Variants in SORBS3 observed in about 807,000 individuals in gnomAD.
SORBS3 encodes the protein sorbin and SH3 domain containing 3, also known as vinexin.
A neutral mutation model predicts 98.0 loss-of-function variants in SORBS3; 69 were observed. The ratio of observed to expected loss-of-function variants is 0.70; its 90% CI spans 0.58 to 0.86. SORBS3 has a LOEUF of 0.86. Among genes scored for constraint, SORBS3 ranks in the 40% least tolerant of loss-of-function variants. The pLI is 0.00. For missense variants in SORBS3, 954 were observed against 908.5 expected (o/e 1.05, Z -0.64); for synonymous variants, 394 against 355.4 (o/e 1.11, Z -1.22).
At position 22,575,479 on chromosome 8, in the gene SORBS3, A is replaced by C; in HGVS notation, c.*751A>C. On this transcript the variant is annotated 3_prime_UTR_variant, in exon 21 of 21. Coordinates refer to ENST00000240123, the MANE Select transcript of SORBS3 (RefSeq NM_005775.5). ...CCCCTCTGGAAGAGAATGTAAAATA[A>C]ACCTGGACACAAGGGACCTTGTCTC... 1 of 155,910 alleles carries C rather than the reference A, an allele frequency of 6.4e-6. No individual in the cohort carries two copies. The highest frequency in any genetic ancestry group is 1.4e-5 in the Non-Finnish European group (1 of 70,454). 9.7% of individuals were successfully genotyped at this position (155,910 alleles called of 1,614,324 possible). A position where few individuals can be genotyped will look rare whatever the true frequency, so the allele number is the denominator to read the frequency against.
Position 22,565,313 on chromosome 8 carries a change from A to G in SORBS3, c.862A>G (p.Lys288Glu). 1 of 1,560,080 alleles carries G rather than the reference A, an allele frequency of 6.4e-7. No homozygotes were observed. The highest frequency in any genetic ancestry group is 8.7e-7 in the Non-Finnish European group (1 of 1,152,358). Residue 288 changes from lysine (K) to glutamate (E), a missense_variant, in exon 11 of 21, where the codon AAG (lysine) becomes GAG (glutamate). By Grantham distance (56) the Lys-to-Glu change is moderately conservative. Transcript: ENST00000240123. ...ELAELSAELDKDLRAIETRLP... is the reference protein window; with the variant it reads ...ELAELSAELDEDLRAIETRLP... ...GGCCGAGCTGAGCGCCGAGCTGGACAAGGACCTGCGGGCAATTGAGACCCG... is the reference window on the plus strand; with the variant it reads ...GGCCGAGCTGAGCGCCGAGCTGGACGAGGACCTGCGGGCAATTGAGACCCG...
chr8:22,564,070 C>G lies in SORBS3; in HGVS notation c.668C>G (p.Ser223Ter). The G allele has an allele frequency of 6.2e-7, 1 of 1,613,650 alleles. No homozygotes were observed. ...PGAFSTVLQP[S>*]NQVLRRREKV... is the part of the protein sequence containing the mutation. Reference sequence around the variant, plus strand: ...GCATTCTCCACTGTGCTGCAGCCCTCAAATCAGGTAGCCCACCCAGCATAG... The same window carrying G: ...GCATTCTCCACTGTGCTGCAGCCCTGAAATCAGGTAGCCCACCCAGCATAG... Residue 223 changes from serine to a stop codon, truncating the protein, a stop_gained, in exon 8 of 21, where the codon TCA becomes TGA. Transcript: ENST00000240123. LOFTEE classifies it high-confidence loss of function.
intron 1 of SORBS3, among the ~76,000 whole-genome samples, chr8:22,552,538 G>T (rs1188344940): frequency 6.6e-6 from 1 of 152,224 alleles, no homozygotes; most frequent in Non-Finnish European, 1.5e-5. Context: ...GACACAAGGG[G>T]CAGGGTTGAG....
In SORBS3 at chr8:22,574,859, G is replaced by C. The variant is rs1294233590; in HGVS notation, c.*131G>C. On this transcript the variant is annotated 3_prime_UTR_variant, in exon 21 of 21. Transcript: ENST00000240123. ...CTCCCAGCATCTGCAGACGACCCCC[G>C]CAGCCTTTCCCTCGGACCCCCCTCG... is the stretch of plus-strand genomic sequence containing the variant. 3.4e-6 allele frequency: 3 copies of C among 880,312 alleles called. No individual in the cohort carries two copies. Among genetic ancestry groups the C allele is most frequent in the Non-Finnish European group, 5.6e-6 (3 of 533,738 alleles). The allele number at this position is 880,312 out of a possible 1,614,324, so 54.5% of individuals were successfully genotyped here.
intron 10 of SORBS3, 154 bp from the exon 11 acceptor site, chr8:22,565,114 C>T: frequency 6.8e-7 from 1 of 1,461,850 alleles, no homozygotes; most frequent in Non-Finnish European, 9.1e-7. Context: ...GCACCCTGGG[C>T]CACACCTCCT....
chr8:22,563,518 A>ATC, intron 7 of SORBS3, among the ~76,000 whole-genome samples: 1 of 152,286 alleles, frequency 6.6e-6, no homozygotes, highest in East Asian at 1.9e-4. Flanking sequence ...TGGGTGTACG[A>ATC]TCACTCAGCC....
In SORBS3 at chr8:22,569,192, C is replaced by T. The variant is rs780147783; in HGVS notation, c.1350C>T (p.Thr450=). The T allele has an allele frequency of 6.8e-6, 11 of 1,611,596 alleles. No homozygotes were observed. Among genetic ancestry groups the T allele is most frequent in the Non-Finnish European group, 9.3e-6 (11 of 1,178,818 alleles). Residue 450 remains threonine, a synonymous_variant, in exon 17 of 21, where the codon ACC becomes ACT. Coordinates refer to ENST00000240123, the MANE Select transcript of SORBS3 (RefSeq NM_005775.5). Reference sequence around the variant, plus strand: ...TCCCTAAGCCCATCAAGCCCCCGACCTACCAGGTGCTGGAGTATGGAGAGG... The same window carrying T: ...TCCCTAAGCCCATCAAGCCCCCGACTTACCAGGTGCTGGAGTATGGAGAGG... ...DEIPKPIKPP[T]YQVLEYGEAV...
At chr8:22,573,383 AGC>A in intron 20 of SORBS3, 1 of 456,282 alleles carries the variant, frequency 2.2e-6, no homozygotes, top group South Asian at 1.5e-5. Flanking sequence ...AGGAGCCACA[AGC>A]GCTTTGAGAG....
At chr8:22,565,539 C>A in intron 11 of SORBS3, 185 bp downstream of exon 11, 1 of 556,400 alleles carries the variant, frequency 1.8e-6, no homozygotes, top group Non-Finnish European at 2.7e-6. Context: ...AAATACAGGG[C>A]GTCGACTTTC....
intron 4 of SORBS3, 149 bp downstream of exon 4, chr8:22,557,057 C>A (rs943207049): frequency 2.3e-6 from 2 of 883,580 alleles, no homozygotes; most frequent in Non-Finnish European, 1.7e-6. Flanking sequence ...TGGGGTTCAG[C>A]GGCTGTAAAC....
At position 22,571,047 on chromosome 8, in the gene SORBS3, C is replaced by A. The variant is rs146729720; in HGVS notation, c.1569C>A (p.Asp523Glu). The A allele has an allele frequency of 1.9e-6, 3 of 1,613,334 alleles. No homozygotes were observed. Among genetic ancestry groups the A allele is most frequent in the Non-Finnish European group, 2.5e-6 (3 of 1,179,878 alleles). ...SREPRLRLCD[D>E]GPQLPTSPRL... ...AACCCCGGCTCCGGCTCTGTGACGACGGCCCCCAGCTCCCCACGTCTCCCC... is the reference window on the plus strand; with the variant it reads ...AACCCCGGCTCCGGCTCTGTGACGAAGGCCCCCAGCTCCCCACGTCTCCCC... The change falls in exon 18 of 21, where the codon GAC becomes GAA. Residue 523 changes from aspartate to glutamate, a missense_variant. By Grantham distance (45) the Asp-to-Glu change is conservative. Transcript: ENST00000240123.
chr8:22,561,372 A>G lies in SORBS3; in HGVS notation c.516A>G (p.Arg172=), dbSNP rs150681563. 133 of 1,612,114 alleles carry G rather than the reference A, an allele frequency of 8.3e-5. No individual in the cohort carries two copies. The African/African-American group carries it at 1.6e-3, about 20-fold the overall frequency. Residue 172 remains arginine (R), a splice_region_variant and synonymous_variant, in exon 6 of 21, where the codon AGA becomes AGG. Transcript: ENST00000240123. The part of the protein sequence containing the change: ...QLDWTFEEPP[R]DPRHLGAQQR... ...ACTGGACCTTCGAGGAGCCACCCAGAGGTGAGGGGATGCGGGCCCACCTGC... is the reference window on the plus strand; with the variant it reads ...ACTGGACCTTCGAGGAGCCACCCAGGGGTGAGGGGATGCGGGCCCACCTGC...
intron 5 of SORBS3, chr8:22,560,916 T>A: frequency 5.9e-6 from 1 of 168,466 alleles, no homozygotes; most frequent in East Asian, 1.6e-4. Flanking sequence ...CAGTAGCTCT[T>A]TCCAGGAAGC....
upstream of SORBS3, among the ~76,000 whole-genome samples, chr8:22,551,178 G>T (rs932934947): frequency 6.7e-6 from 1 of 149,752 alleles, no homozygotes; most frequent in Admixed American, 6.6e-5. The surrounding 1 kb of genome is among the most constrained non-coding windows in gnomAD (Gnocchi z 5.8). Flanking sequence ...GCCCGGGGGG[G>T]CCGCTCCCTT....
chr8:22,553,339 G>A (rs1840121820), intron 1 of SORBS3, among the ~76,000 whole-genome samples: 2 of 152,206 alleles, frequency 1.3e-5, no homozygotes, highest in Non-Finnish European at 2.9e-5. Context: ...GGACCCCACA[G>A]GCACAGGCAA....
chr8:22,565,645 C>A (rs1840393144), intron 11 of SORBS3, 181 bp from the exon 12 acceptor site: 6 of 1,163,516 alleles, frequency 5.2e-6, no homozygotes, highest in Non-Finnish European at 5.4e-6. Context: ...GCCTCGGGGA[C>A]CCCCGCCCCT....
At position 22,554,640 on chromosome 8, in the gene SORBS3, G is replaced by A; in HGVS notation, c.102+32G>A. 1 of 1,589,674 alleles carries A rather than the reference G, an allele frequency of 6.3e-7. No individual in the cohort carries two copies. Among genetic ancestry groups the A allele is most frequent in the Non-Finnish European group, 8.5e-7 (1 of 1,170,902 alleles). On this transcript the variant is annotated intron_variant, in intron 2 of 20. Coordinates refer to ENST00000240123, the MANE Select transcript of SORBS3 (RefSeq NM_005775.5). The surrounding 1 kb of genome is among the most constrained non-coding windows in gnomAD (Gnocchi z 6.5). The stretch of plus-strand genomic sequence containing the variant: ...GAGTCAGTAGGGAGGAGGGTGTCCT[G>A]CGGGCCCGGAGTTGGTTGGGACGCT...
intron 6 of SORBS3, 68 bp downstream of exon 6, chr8:22,561,441 G>A (rs1840292706): frequency 6.4e-7 from 1 of 1,573,000 alleles, no homozygotes; most frequent in Non-Finnish European, 8.7e-7. Flanking sequence ...CTGGGGCTGG[G>A]ACTCGCAGCC....
At chr8:22,563,842 A>G (rs2449336) in intron 7 of SORBS3, 145 bp from the exon 8 acceptor site, 476,988 of 649,712 alleles carry the variant, frequency 0.73, 177,139 homozygotes, top group South Asian at 0.79. Context: ...CCACAGTTTA[A>G]TCTTGCTTCC....
Sources: allele counts gnomAD v4.1 joint callset (sites outside exome capture counted in the v4.1 genomes callset), GRCh38; gene constraint gnomAD v4.1.1; non-coding constraint Gnocchi (gnomAD v3.1); transcripts MANE v1.5; gene names NCBI Gene and HGNC (gene_info 2026-07-23, HGNC 2026-07-21).